Variants in WNT7A observed in about 807,000 individuals in gnomAD.
WNT7A encodes Wnt family member 7A, also known as protein Wnt-7a.
Under a neutral mutation model 28.2 loss-of-function variants are expected in WNT7A, and 16 were observed. The observed-to-expected ratio is 0.57, with a 90% confidence interval of 0.38 to 0.86. WNT7A has a LOEUF of 0.86. Ranked by LOEUF, WNT7A falls within the 40% of genes least tolerant of loss-of-function variation. WNT7A has a pLI of 0.00. For missense variants in WNT7A, 411 were observed against 489.7 expected (o/e 0.84, Z 1.52); for synonymous variants, 190 against 195.9 (o/e 0.97, Z 0.25).
At position 13,879,963 on chromosome 3, in the gene WNT7A, C is replaced by T; in HGVS notation, c.-147G>A. On this transcript the variant is annotated 5_prime_UTR_variant, in exon 1 of 4. Transcript: ENST00000285018. ...TCGGTGCGCCCGTCCGCGCGCTCCG[C>T]GCCTGAGCCTCGCCAGGAGCACGGG... The T allele has an allele frequency of 1.9e-6, 1 of 524,480 alleles. No individual in the cohort carries two copies. The highest frequency in any genetic ancestry group is 3.0e-6 in the Non-Finnish European group (1 of 336,364). 32.5% of individuals were successfully genotyped at this position (524,480 alleles called of 1,614,324 possible). A position where few individuals can be genotyped will look rare whatever the true frequency, so the allele number is the denominator to read the frequency against.
chr3:13,823,230 C>T (rs936593072), intron 3 of WNT7A, among the ~76,000 whole-genome samples: 4 of 152,120 alleles, frequency 2.6e-5, no homozygotes, highest in African/African-American at 7.2e-5. Context: ...CTGAGCTGCC[C>T]GAGGGGACTT....
chr3:13,823,818 G>A (rs1413629178), intron 3 of WNT7A, among the ~76,000 whole-genome samples: 1 of 152,202 alleles, frequency 6.6e-6, no homozygotes, highest in Non-Finnish European at 1.5e-5. Context: ...CAGGAAATCG[G>A]AGGGCAGGAG....
At chr3:13,829,569 G>A (rs1484599470) in intron 3 of WNT7A, among the ~76,000 whole-genome samples, 1 of 152,200 alleles carries the variant, frequency 6.6e-6, no homozygotes, top group Non-Finnish European at 1.5e-5. Context: ...GGCGGAAGGA[G>A]CCATCGGATG....
At chr3:13,823,791 C>G (rs77737244) in intron 3 of WNT7A, among the ~76,000 whole-genome samples, 2,547 of 152,282 alleles carry the variant, frequency 0.017, 67 homozygotes, top group African/African-American at 0.058. Flanking sequence ...GATGGTTTGG[C>G]CTGTGGAAGG....
chr3:13,854,861 A>G, intron 2 of WNT7A, 58 bp from the exon 3 acceptor site: 1 of 1,603,682 alleles, frequency 6.2e-7, no homozygotes, highest in Non-Finnish European at 8.5e-7. Flanking sequence ...ATCTGAGAGG[A>G]GGCTGGGCCT....
chr3:13,854,754 G>T lies in WNT7A; in HGVS notation c.348C>A (p.Ala116=). The change falls in exon 3 of 4, where the codon GCC becomes GCA. Residue 116 remains alanine, a synonymous_variant. Coordinates refer to ENST00000285018, the MANE Select transcript of WNT7A (RefSeq NM_004625.4). Reference sequence around the variant, plus strand: ...GGGTACAGGCAGCTGTGATGGCGTGGGCCACGCCGGCGGCAATGATGGCGT... The same window carrying T: ...GGGTACAGGCAGCTGTGATGGCGTGTGCCACGCCGGCGGCAATGATGGCGT... The part of the protein sequence containing the change: ...FTYAIIAAGV[A]HAITAACTQG... The T allele has an allele frequency of 6.2e-7, 1 of 1,613,874 alleles. No individual in the cohort carries two copies. The highest frequency in any genetic ancestry group is 1.1e-5 in the South Asian group (1 of 91,084).
intron 3 of WNT7A, among the ~76,000 whole-genome samples, chr3:13,823,592 A>G (rs1371623926): frequency 6.6e-6 from 1 of 152,386 alleles, no homozygotes; most frequent in Middle Eastern, 3.4e-3. Context: ...GGCTTGGAGC[A>G]GCTGGCAGAA....
At chr3:13,846,245 C>A (rs1488207247) in intron 3 of WNT7A, among the ~76,000 whole-genome samples, 1 of 152,244 alleles carries the variant, frequency 6.6e-6, no homozygotes. Context: ...GGACTGTAGT[C>A]TCCAAATTCC....
intron 3 of WNT7A, among the ~76,000 whole-genome samples, chr3:13,828,922 T>A (rs1694237718): frequency 6.6e-6 from 1 of 152,140 alleles, no homozygotes; most frequent in Admixed American, 6.5e-5. Context: ...ATCCCATCCC[T>A]GCCACCACAT....
intron 3 of WNT7A, among the ~76,000 whole-genome samples, chr3:13,829,314 G>A (rs528485434): frequency 6.6e-6 from 1 of 152,328 alleles, no homozygotes; most frequent in East Asian, 1.9e-4. Flanking sequence ...TTTGGTACTA[G>A]TAAGGCATTC....
Position 13,832,080 on chromosome 3 carries a change from C to T in WNT7A, c.571-12657G>A, listed in dbSNP as rs568156708. ...GCCACCACCTGCTCCCCTCCTGTTC[C>T]TGCTCCTGCTTCTCCTGCTCCTGAT... On this transcript the variant is annotated intron_variant, in intron 3 of 3. Coordinates refer to ENST00000285018, the MANE Select transcript of WNT7A (RefSeq NM_004625.4). 9.2e-5 allele frequency among the ~76,000 whole-genome samples: 14 copies of T among 152,162 alleles called. No individual in the cohort carries two copies. In the South Asian group the frequency reaches 2.7e-3, roughly 29 times the overall value.
intron 3 of WNT7A, among the ~76,000 whole-genome samples, chr3:13,850,484 G>A (rs1015522553): frequency 2.6e-5 from 4 of 152,152 alleles, no homozygotes; most frequent in African/African-American, 4.8e-5. Context: ...ACACCCCTCC[G>A]TGTGCAAGAG....
At chr3:13,860,262 G>A (rs746643862) in intron 2 of WNT7A, among the ~76,000 whole-genome samples, 3 of 152,104 alleles carry the variant, frequency 2.0e-5, no homozygotes, top group Non-Finnish European at 2.9e-5. Context: ...CTAGAAACTG[G>A]CCAGAACTGG....
rs1005123072 is a variant in WNT7A, at chr3:13,816,591, A to G, written c.*2353T>C. ...CGGGAAGCCATCCTGATCATGGCAG[A>G]TCTGCTAGGTTTTCCAAAGCAAAGA... On this transcript the variant is annotated 3_prime_UTR_variant, in exon 4 of 4. Transcript: ENST00000285018. 2.6e-5 allele frequency: 4 copies of G among 152,298 alleles called. No individual in the cohort carries two copies. The highest frequency in any genetic ancestry group is 7.2e-5 in the African/African-American group (3 of 41,436). The allele number at this position is 152,298 out of a possible 1,614,324, so 9.4% of individuals were successfully genotyped here.
rs12639607 is a variant in WNT7A, at chr3:13,854,787, C to T, written c.315G>A (p.Ala105=). The part of the protein sequence containing the change: ...KELKVGSREA[A]FTYAIIAAGV... ...CGGCGGCAATGATGGCGTAGGTGAA[C>T]GCAGCCTCCCGGCTCCCTGCGAGGA... The change falls in exon 3 of 4, where the codon GCG becomes GCA. Residue 105 remains alanine (A), a synonymous_variant. Transcript: ENST00000285018. 0.19 allele frequency: 313,006 copies of T among 1,612,824 alleles called. 34,465 individuals are homozygous for T. Among genetic ancestry groups the T allele is most frequent in the East Asian group, 0.55 (24,641 of 44,844 alleles).
intron 3 of WNT7A, among the ~76,000 whole-genome samples, chr3:13,835,793 T>C (rs1694357483): frequency 6.6e-6 from 1 of 152,232 alleles, no homozygotes. Flanking sequence ...AATGGATGAA[T>C]GCGTAAACAC....
intron 3 of WNT7A, among the ~76,000 whole-genome samples, chr3:13,836,406 C>A (rs1694372059): frequency 6.6e-6 from 1 of 152,212 alleles, no homozygotes; most frequent in Non-Finnish European, 1.5e-5. Flanking sequence ...AGAATCCCAG[C>A]CTTTCAGAAT....
chr3:13,848,682 G>A (rs1694578051), intron 3 of WNT7A, among the ~76,000 whole-genome samples: 1 of 152,052 alleles, frequency 6.6e-6, no homozygotes, highest in East Asian at 1.9e-4. Context: ...AAAATGGTTT[G>A]GCACTTTCTT....
At chr3:13,870,407 G>A (rs965638992) in intron 2 of WNT7A, among the ~76,000 whole-genome samples, 1 of 152,172 alleles carries the variant, frequency 6.6e-6, no homozygotes, top group Non-Finnish European at 1.5e-5. Flanking sequence ...CAGCCCTGCT[G>A]ACACCTGGAT....
Sources: allele counts gnomAD v4.1 joint callset (sites outside exome capture counted in the v4.1 genomes callset), GRCh38; gene constraint gnomAD v4.1.1; transcripts MANE v1.5; gene names NCBI Gene and HGNC (gene_info 2026-07-23, HGNC 2026-07-21).